The following UHRF1 variants were observed in gnomAD, a reference collection of about 807,000 sequenced individuals.
The protein encoded by UHRF1 is E3 ubiquitin-protein ligase UHRF1.
A neutral mutation model predicts 96.5 loss-of-function variants in UHRF1; 9 were observed. The observed-to-expected ratio is 0.09, with a 90% confidence interval of 0.06 to 0.16. UHRF1 has a LOEUF of 0.16. UHRF1 is among the 10% of genes least tolerant of loss of function. The pLI is 1.00. For missense variants in UHRF1, 626 were observed against 1,131.1 expected, an observed-to-expected ratio of 0.55 and a Z score of 6.40; for synonymous variants, 455 against 469.9, an observed-to-expected ratio of 0.97 and a Z score of 0.41.
At chr19:4,912,823 G>A (rs1420441436) in intron 2 of UHRF1, among the ~76,000 whole-genome samples, 2 of 152,046 alleles carry the variant, frequency 1.3e-5, no homozygotes, top group Admixed American at 6.6e-5. Context: ...GCAGTGGCAC[G>A]ATCACAGCTC....
intron 10 of UHRF1, 23 bp downstream of exon 10, chr19:4,945,988 T>TGGGGGGGGGGGG: frequency 2.4e-6 from 1 of 424,890 alleles, no homozygotes; most frequent in Non-Finnish European, 4.3e-6. Flanking sequence ...GTGGGAGGGG[T>TGGGGGGGGGGGG]GGGGGAGGGT....
In UHRF1 at chr19:4,954,436, G is replaced by T. The variant is rs17878253; in HGVS notation, c.1905G>T (p.Gly635=). The part of the protein sequence containing the change: ...SKREEEEQQE[G]GFASPRTGKG... ...GGGAGGAGGAGGAGCAGCAGGAGGGGGGCTTCGCGTCCCCCAGGACGGGCA... is the reference window on the plus strand; with the variant it reads ...GGGAGGAGGAGGAGCAGCAGGAGGGTGGCTTCGCGTCCCCCAGGACGGGCA... The change falls in exon 14 of 17, where the codon GGG becomes GGT. Residue 635 remains glycine, a synonymous_variant. Transcript: ENST00000650932. The surrounding 1 kb of genome is among the most constrained non-coding windows in gnomAD (Gnocchi z 5.9). The T allele has an allele frequency of 3.2e-3, 5,110 of 1,613,746 alleles. 136 individuals are homozygous for T. The African/African-American group carries it at 0.057, about 18-fold the overall frequency.
At chr19:4,911,860 C>T (rs987552429) in intron 2 of UHRF1, among the ~76,000 whole-genome samples, 8 of 152,008 alleles carry the variant, frequency 5.3e-5, no homozygotes, top group Middle Eastern at 3.4e-3. Context: ...TTGGTTGGAC[C>T]GTGGGGACGG....
upstream of UHRF1, chr19:4,909,436 GC>G (rs1355696448): frequency 3.1e-6 from 2 of 651,406 alleles, no homozygotes; most frequent in South Asian, 1.6e-5. Flanking sequence ...GCAGGCGCCC[GC>G]CCCCGGCACG....
rs542975996 is a variant in UHRF1 at position 4,913,885 on chromosome 19, TACCTCA to T, written c.153+2853_153+2858del. ...GGAGTGCAATTGCGTGATCTCGGCT[TACCTCA>T]ACCTCCACCTCCTGGGTTCCAGCGA... is the stretch of plus-strand genomic sequence containing the variant. On this transcript the variant is annotated intron_variant, in intron 2 of 16. Coordinates refer to ENST00000650932, the MANE Select transcript of UHRF1 (RefSeq NM_001048201.3). Among the ~76,000 whole-genome samples the T allele has an allele frequency of 4.1e-5, 6 of 146,122 alleles. No individual in the cohort carries two copies. The East Asian group carries it at 1.2e-3, about 30-fold the overall frequency.
rs1390343853 is a variant in UHRF1 at position 4,933,013 on chromosome 19, C to G, written c.785+57C>G. ...TCTCTCCTTTCCTCCCCTCCCGGGG[C>G]CCCCGGACTGGCTTTGAAGCCGTCC... is the stretch of plus-strand genomic sequence containing the variant. On this transcript the variant is annotated intron_variant, in intron 5 of 16. Coordinates refer to ENST00000650932, the MANE Select transcript of UHRF1 (RefSeq NM_001048201.3). 5 of 1,509,800 alleles carry G rather than the reference C, an allele frequency of 3.3e-6. No individual in the cohort carries two copies. The Admixed American group carries it at 8.3e-5, about 25-fold the overall frequency. The allele number at this position is 1,509,800 out of a possible 1,614,324, so 93.5% of individuals were successfully genotyped here.
In UHRF1 at chr19:4,936,005, T is replaced by C. The variant is rs530256990; in HGVS notation, c.785+3049T>C. 3.9e-5 allele frequency among the ~76,000 whole-genome samples: 6 copies of C among 152,268 alleles called. No homozygotes were observed. The East Asian group carries it at 1.2e-3, about 29-fold the overall frequency. ...CATTGACTGTCACAAGGCAGGGGTG[T>C]CACCAGGCAGGGAAACGAAGATACC... On this transcript the variant is annotated intron_variant, in intron 5 of 16. Transcript: ENST00000650932.
At chr19:4,958,032 G>T (rs2033903406) in intron 16 of UHRF1, among the ~76,000 whole-genome samples, 1 of 152,216 alleles carries the variant, frequency 6.6e-6, no homozygotes, top group Non-Finnish European at 1.5e-5. Flanking sequence ...CACACCCCCG[G>T]GTCTCAGACC....
In UHRF1 at chr19:4,930,745, G is replaced by A. The variant is rs376248382; in HGVS notation, c.438G>A (p.Thr146=). ...KVNEYVDARD[T]NMGAWFEAQV... ...ATGAGTACGTCGATGCTCGGGACAC[G>A]AACATGGGGGCGTGGTTTGAGGCGC... Residue 146 remains threonine, a synonymous_variant, in exon 4 of 17, where the codon ACG becomes ACA. Transcript: ENST00000650932. This position sits in a 1 kb window ranked among gnomAD's most constrained non-coding sequence, Gnocchi z 4.4. 15 of 1,613,814 alleles carry A rather than the reference G, an allele frequency of 9.3e-6. No individual in the cohort carries two copies. The highest frequency in any genetic ancestry group is 4.0e-5 in the African/African-American group (3 of 74,926).
chr19:4,947,595 G>T (rs2033607694), intron 11 of UHRF1, among the ~76,000 whole-genome samples: 1 of 142,438 alleles, frequency 7.0e-6, no homozygotes, highest in Non-Finnish European at 1.5e-5. Flanking sequence ...CTGCCTCCTG[G>T]GCTCAAGCGA....
chr19:4,954,881 G>C lies in UHRF1; in HGVS notation c.2130+59G>C. 4 of 1,589,378 alleles carry C rather than the reference G, an allele frequency of 2.5e-6. No individual in the cohort carries two copies. In the East Asian group the frequency reaches 9.0e-5, roughly 36 times the overall value. On this transcript the variant is annotated intron_variant, in intron 15 of 16. Transcript: ENST00000650932. This position sits in a 1 kb window ranked among gnomAD's most constrained non-coding sequence, Gnocchi z 5.9. ...TGCGTTGACTGCGGTAAAATGTGTG[G>C]GGCTTGTTTCCCATGTTCCCCATTT...
intron 10 of UHRF1, among the ~76,000 whole-genome samples, chr19:4,946,191 C>G (rs376304873): frequency 5.9e-5 from 9 of 152,164 alleles, no homozygotes; most frequent in African/African-American, 1.7e-4. Flanking sequence ...TCCCCACCCC[C>G]TCCCAGTCCC....
At chr19:4,925,540 T>C (rs10405647) in intron 2 of UHRF1, among the ~76,000 whole-genome samples, 10,070 of 152,184 alleles carry the variant, frequency 0.066, 1,055 homozygotes, top group African/African-American at 0.22. Context: ...ATTTTATTTC[T>C]TAAGACAGTC....
intron 5 of UHRF1, 141 bp from the exon 6 acceptor site, chr19:4,941,387 C>A: frequency 1.6e-6 from 1 of 645,020 alleles, no homozygotes; most frequent in Non-Finnish European, 2.8e-6. Flanking sequence ...CATGTTGCTT[C>A]TGTGAGTGCA....
chr19:4,937,036 AT>A (rs554411973), intron 5 of UHRF1, among the ~76,000 whole-genome samples: 34 of 147,954 alleles, frequency 2.3e-4, no homozygotes, highest in South Asian at 2.1e-4. Context: ...GCAAGCAATA[AT>A]TTTTTTTTTT....
rs1301828723 is a variant in UHRF1 at position 4,930,589 on chromosome 19, A to G, written c.409-127A>G. On this transcript the variant is annotated intron_variant, in intron 3 of 16. Transcript: ENST00000650932. This position sits in a 1 kb window ranked among gnomAD's most constrained non-coding sequence, Gnocchi z 4.4. Reference sequence around the variant, plus strand: ...TCAGCGGTTCCCAGCCAGGGAGGAGAAACCTCGCTGTGGGCATTCGAGTTT... The same window carrying G: ...TCAGCGGTTCCCAGCCAGGGAGGAGGAACCTCGCTGTGGGCATTCGAGTTT... 36 of 1,220,418 alleles carry G rather than the reference A, an allele frequency of 2.9e-5. No individual in the cohort carries two copies. The highest frequency in any genetic ancestry group is 4.1e-5 in the Non-Finnish European group (36 of 877,106). The allele number at this position is 1,220,418 out of a possible 1,614,324, so 75.6% of individuals were successfully genotyped here.
At chr19:4,911,132 C>G (rs550475658) in intron 2 of UHRF1, 94 bp downstream of exon 2, 212 of 1,266,330 alleles carry the variant, frequency 1.7e-4, no homozygotes, top group South Asian at 2.1e-4. Flanking sequence ...CACCTCCCCC[C>G]CCAACAACCT....
chr19:4,941,576 C>A lies in UHRF1; in HGVS notation c.834C>A (p.Phe278Leu). The A allele has an allele frequency of 1.2e-6, 2 of 1,613,786 alleles. No individual in the cohort carries two copies. The highest frequency in any genetic ancestry group is 1.7e-6 in the Non-Finnish European group (2 of 1,179,788). ...DCRIIFVDEVFKIERPGEGSP... is the reference protein window; with the variant it reads ...DCRIIFVDEVLKIERPGEGSP... Reference sequence around the variant, plus strand: ...GGATCATCTTCGTGGACGAAGTCTTCAAGATTGAGCGGCCGGGTGAAGGGA... The same window carrying A: ...GGATCATCTTCGTGGACGAAGTCTTAAAGATTGAGCGGCCGGGTGAAGGGA... The change falls in exon 6 of 17, where the codon TTC (phenylalanine) becomes TTA (leucine). Residue 278 changes from phenylalanine (F) to leucine (L), a missense_variant. Around this residue, in one of 11 missense-constraint regions of UHRF1, gnomAD observed 198 missense variants for 235.1 expected, o/e 0.84. Transcript: ENST00000650932.
chr19:4,919,259 A>G (rs2032624241), intron 2 of UHRF1, among the ~76,000 whole-genome samples: 1 of 151,180 alleles, frequency 6.6e-6, no homozygotes, highest in African/African-American at 2.4e-5. Flanking sequence ...CTCCCAAATC[A>G]TACCTGAGAT....
Sources: allele counts gnomAD v4.1 joint callset (sites outside exome capture counted in the v4.1 genomes callset), GRCh38; gene constraint gnomAD v4.1.1; regional missense constraint gnomAD v4.1.1; non-coding constraint Gnocchi (gnomAD v3.1); transcripts MANE v1.5; gene names NCBI Gene and HGNC (gene_info 2026-07-23, HGNC 2026-07-21).